WARS2: variants seen among roughly 807,000 people sequenced by gnomAD.
The protein encoded by WARS2 is tryptophanyl tRNA synthetase 2, mitochondrial, also known as tryptophan--tRNA ligase, mitochondrial.
A neutral mutation model predicts 36.5 loss-of-function variants in WARS2; 28 were observed. That is an observed-to-expected ratio of 0.77 (90% CI 0.57 to 1.05). WARS2 has a LOEUF of 1.05. Ranked by LOEUF, WARS2 falls within the 50% of genes least tolerant of loss-of-function variation. WARS2 has a pLI of 0.00. For synonymous variants in WARS2, 174 were observed against 178.4 expected, an observed-to-expected ratio of 0.98 and a Z score of 0.20; for missense variants, 435 against 456.8, an observed-to-expected ratio of 0.95 and a Z score of 0.44.
rs1174343098 is a variant in WARS2, at chr1:119,033,178, C to T, written c.816G>A (p.Val272=). The part of the protein sequence containing the change: ...VTYDPAGRAG[V]SNIVAVHAAV... ...CGGCATGCACCGCCACTATGTTGGA[C>T]ACGCCAGCGCGGCCAGCCGGGTCAT... Residue 272 remains valine, a synonymous_variant, in exon 6 of 6, where the codon GTG becomes GTA. Coordinates refer to ENST00000235521, the MANE Select transcript of WARS2 (RefSeq NM_015836.4). 5 of 1,614,116 alleles carry T rather than the reference C, an allele frequency of 3.1e-6. No homozygotes were observed. In the South Asian group the frequency reaches 3.3e-5, roughly 11 times the overall value.
intron 5 of WARS2, 165 bp from the exon 6 acceptor site, chr1:119,033,524 A>C (rs1288821639): frequency 6.3e-6 from 5 of 798,984 alleles, no homozygotes; most frequent in Middle Eastern, 7.6e-4. Flanking sequence ...CTGTACTTGA[A>C]ATACCCACAC....
chr1:119,118,274 A>G (rs978560892), intron 1 of WARS2, among the ~76,000 whole-genome samples: 4 of 152,116 alleles, frequency 2.6e-5, no homozygotes, highest in Non-Finnish European at 5.9e-5. Context: ...CATTTAGAGA[A>G]AAGCAAAACA....
chr1:119,098,862 G>A (rs587744145), intron 1 of WARS2, among the ~76,000 whole-genome samples: 8 of 152,116 alleles, frequency 5.3e-5, no homozygotes, highest in East Asian at 3.9e-4. Context: ...TCAGCCTTCC[G>A]AGTAGTTGGG....
At chr1:119,126,959 T>G in intron 1 of WARS2, 1 of 738,948 alleles carries the variant, frequency 1.4e-6, no homozygotes, top group Non-Finnish European at 2.4e-6. Flanking sequence ...TTTTTGATCA[T>G]GGAACACATT....
chr1:119,035,217 T>C (rs1176871147), intron 4 of WARS2, among the ~76,000 whole-genome samples: 1 of 152,158 alleles, frequency 6.6e-6, no homozygotes, highest in Admixed American at 6.5e-5. Flanking sequence ...TGAAGCAATA[T>C]GGCGGGATTA....
At chr1:119,134,332 A>AAC (rs1553183038) in intron 1 of WARS2, among the ~76,000 whole-genome samples, 6 of 151,078 alleles carry the variant, frequency 4.0e-5, no homozygotes, top group Non-Finnish European at 8.9e-5. Flanking sequence ...AAAAAAAAAA[A>AAC]AAAAAAAAAC....
At position 119,066,477 on chromosome 1, in the gene WARS2, C is replaced by CAAA. The variant is rs34709639; in HGVS notation, c.348+9870_348+9872dup. On this transcript the variant is annotated intron_variant, in intron 2 of 5. Transcript: ENST00000235521. ...TGGGTGACAGAGAGAGGCTCTGTCT[C>CAAA]AAAAAAAAAAAAAAAAAAAAAAGAC... 1.1e-3 allele frequency among the ~76,000 whole-genome samples: 49 copies of CAAA among 46,258 alleles called. 1 individual carries two copies. The highest frequency in any genetic ancestry group is 1.4e-3 in the Non-Finnish European group (31 of 21,544). The allele number at this position is 46,258 out of a possible 152,430, so 30.3% of individuals were successfully genotyped here. A position where few individuals can be genotyped will look rare whatever the true frequency, so the allele number is the denominator to read the frequency against.
chr1:119,055,918 T>C (rs1649748117), intron 2 of WARS2, among the ~76,000 whole-genome samples: 1 of 151,938 alleles, frequency 6.6e-6, no homozygotes, highest in African/African-American at 2.4e-5. Context: ...CAAATCAAAT[T>C]ATTAGTTTAC....
intron 2 of WARS2, among the ~76,000 whole-genome samples, chr1:119,071,549 T>C (rs1042657494): frequency 6.6e-6 from 1 of 152,184 alleles, no homozygotes; most frequent in African/African-American, 2.4e-5. Context: ...ACAACATGGA[T>C]GAACCCAGAG....
intron 1 of WARS2, chr1:119,126,916 C>T: frequency 1.3e-6 from 1 of 781,852 alleles, no homozygotes; most frequent in Non-Finnish European, 2.2e-6. Context: ...GTAAAACCAA[C>T]ACAGAACAGA....
rs746950344 is a variant in WARS2, at chr1:119,131,463, T to TG, written c.90+9091_90+9092insC. On this transcript the variant is annotated intron_variant, in intron 1 of 5. Transcript: ENST00000235521. ...CGGACTGTGCAAAGTTTTTTGTTTTTTGTTTTTTTTTTTTTTGAGACGTAG... is the reference window on the plus strand; with the variant it reads ...CGGACTGTGCAAAGTTTTTTGTTTTTGTGTTTTTTTTTTTTTTGAGACGTAG... 2.2e-3 allele frequency among the ~76,000 whole-genome samples: 321 copies of TG among 145,704 alleles called. 11 individuals are homozygous for TG. In the South Asian group the frequency reaches 0.029, roughly 13 times the overall value.
At chr1:119,132,887 A>C (rs961841473) in intron 1 of WARS2, among the ~76,000 whole-genome samples, 1 of 152,228 alleles carries the variant, frequency 6.6e-6, no homozygotes, top group African/African-American at 2.4e-5. Context: ...ACAATCTTTC[A>C]GAATCAAATT....
At chr1:119,075,708 T>A (rs943072568) in intron 2 of WARS2, among the ~76,000 whole-genome samples, 2 of 152,156 alleles carry the variant, frequency 1.3e-5, no homozygotes, top group Non-Finnish European at 2.9e-5. Context: ...CTAGGGTGTA[T>A]CTTGATTGCC....
chr1:119,128,368 T>C (rs587684913), intron 1 of WARS2, among the ~76,000 whole-genome samples: 113 of 152,130 alleles, frequency 7.4e-4, no homozygotes, highest in African/African-American at 2.6e-3. Flanking sequence ...TAATGGATAA[T>C]TTTTAGTCTT....
At chr1:119,114,793 T>C (rs1654861279) in intron 1 of WARS2, among the ~76,000 whole-genome samples, 1 of 152,220 alleles carries the variant, frequency 6.6e-6, no homozygotes, top group Non-Finnish European at 1.5e-5. Context: ...AATTCCTAAG[T>C]ACATCCTGCA....
At chr1:119,081,272 A>C (rs773534650) in intron 1 of WARS2, among the ~76,000 whole-genome samples, 3 of 152,216 alleles carry the variant, frequency 2.0e-5, no homozygotes, top group Non-Finnish European at 4.4e-5. Context: ...GTTATTAATT[A>C]TGGCAAAAGA....
chr1:119,034,670 AAG>A (rs1230810382), intron 4 of WARS2, among the ~76,000 whole-genome samples: 3 of 152,182 alleles, frequency 2.0e-5, no homozygotes, highest in Admixed American at 6.5e-5. Flanking sequence ...TTCTTCAGGC[AAG>A]AGTTTTTCCT....
At chr1:119,034,387 C>T (rs1476154813) in intron 4 of WARS2, among the ~76,000 whole-genome samples, 174 bp from the exon 5 acceptor site, 1 of 152,180 alleles carries the variant, frequency 6.6e-6, no homozygotes, top group African/African-American at 2.4e-5. Flanking sequence ...CAGACAAAAG[C>T]CAAAGAGATG....
chr1:119,037,492 GT>G (rs764973904), intron 4 of WARS2, among the ~76,000 whole-genome samples: 1 of 152,120 alleles, frequency 6.6e-6, no homozygotes, highest in Non-Finnish European at 1.5e-5. Context: ...GTTTGGTGGT[GT>G]TTTCTTGTCA....
Sources: allele counts gnomAD v4.1 joint callset (sites outside exome capture counted in the v4.1 genomes callset), GRCh38; gene constraint gnomAD v4.1.1; transcripts MANE v1.5; gene names NCBI Gene and HGNC (gene_info 2026-07-23, HGNC 2026-07-21).